FAIM2: variants seen among roughly 807,000 people sequenced by gnomAD.
FAIM2 encodes protein lifeguard 2.
In FAIM2, 27 loss-of-function variants were observed where a neutral mutation model predicts 47.4. The observed-to-expected ratio is 0.57, with a 90% CI of 0.42 to 0.78. FAIM2 has a LOEUF of 0.78. FAIM2 is among the 30% of genes least tolerant of loss of function. The probability of loss-of-function intolerance (pLI) is 0.00; values close to 1 mark genes in which losing one functional copy is unlikely to be tolerated. For missense variants in FAIM2, 311 were observed against 389.4 expected, an observed-to-expected ratio of 0.80 and a Z score of 1.69; for synonymous variants, 156 against 159.3, an observed-to-expected ratio of 0.98 and a Z score of 0.16.
chr12:49,880,612 G>T (rs1014306469), intron 11 of FAIM2, among the ~76,000 whole-genome samples: 2 of 106,476 alleles, frequency 1.9e-5, no homozygotes, highest in South Asian at 3.3e-4. Flanking sequence ...GTGTGCATGT[G>T]AGTGTATGTG....
In FAIM2 at chr12:49,871,815, T is replaced by C. The variant is rs565386802; in HGVS notation, c.802-1162A>G. Among the ~76,000 whole-genome samples the C allele has an allele frequency of 6.6e-5, 10 of 152,098 alleles. No individual in the cohort carries two copies. The East Asian group carries it at 1.2e-3, about 18-fold the overall frequency. Reference sequence around the variant, plus strand: ...CCGAGGAGCTAGGATTACAGGCATGTGCCACCACACCCAGCTAATTTTGTA... The same window carrying C: ...CCGAGGAGCTAGGATTACAGGCATGCGCCACCACACCCAGCTAATTTTGTA... On this transcript the variant is annotated intron_variant, in intron 11 of 11. Coordinates refer to ENST00000320634, the MANE Select transcript of FAIM2 (RefSeq NM_012306.4).
Position 49,893,139 on chromosome 12 carries a change from C to G in FAIM2, c.435-2025G>C, listed in dbSNP as rs1946912126. ...TGCCTTCCACCCTCCATGCTGCAGG[C>G]AGATCCAATCATTTGACTTCCCTGT... On this transcript the variant is annotated intron_variant, in intron 5 of 11. Coordinates refer to ENST00000320634, the MANE Select transcript of FAIM2 (RefSeq NM_012306.4). Among the ~76,000 whole-genome samples the G allele has an allele frequency of 2.0e-5, 3 of 152,190 alleles. No homozygotes were observed. The South Asian group carries it at 6.2e-4, about 32-fold the overall frequency.
chr12:49,884,765 G>GA (rs917027560), intron 11 of FAIM2, among the ~76,000 whole-genome samples: 3 of 152,196 alleles, frequency 2.0e-5, no homozygotes, highest in Non-Finnish European at 4.4e-5. Flanking sequence ...ACGAGGTCAG[G>GA]AGATCGAGAC....
intron 11 of FAIM2, among the ~76,000 whole-genome samples, chr12:49,883,908 TGA>T (rs1169827403): frequency 1.3e-5 from 2 of 152,032 alleles, no homozygotes; most frequent in African/African-American, 4.8e-5. Flanking sequence ...TTGACCTGGA[TGA>T]GAGTGTGTTT....
At chr12:49,900,323 AT>A (rs1180156713) in intron 2 of FAIM2, 7 of 799,446 alleles carry the variant, frequency 8.8e-6, no homozygotes, top group Middle Eastern at 3.0e-4. Context: ...AGGTGGGGTG[AT>A]AAAGTGGGAG....
intron 5 of FAIM2, among the ~76,000 whole-genome samples, chr12:49,896,368 G>C (rs989599586): frequency 2.6e-5 from 4 of 152,110 alleles, no homozygotes; most frequent in African/African-American, 7.2e-5. Context: ...AAGAATATAG[G>C]ACAAGCAGGA....
intron 11 of FAIM2, among the ~76,000 whole-genome samples, chr12:49,879,512 A>G (rs968955405): frequency 3.4e-5 from 5 of 146,690 alleles, no homozygotes; most frequent in Non-Finnish European, 7.5e-5. Context: ...ATGTATGTGC[A>G]TGTGTGTGTG....
chr12:49,877,858 G>C (rs1592784672), intron 11 of FAIM2, among the ~76,000 whole-genome samples: 1 of 151,926 alleles, frequency 6.6e-6, no homozygotes, highest in East Asian at 1.9e-4. Flanking sequence ...GTGTGTGCAT[G>C]TGTGTGTGAG....
chr12:49,875,820 A>G (rs1946732652), intron 11 of FAIM2, among the ~76,000 whole-genome samples: 1 of 152,174 alleles, frequency 6.6e-6, no homozygotes, highest in African/African-American at 2.4e-5. Context: ...TACTAAAAAT[A>G]CAAAAGTTAG....
At position 49,878,517 on chromosome 12, in the gene FAIM2, T is replaced by C. The variant is rs1398122901; in HGVS notation, c.802-7864A>G. Among the ~76,000 whole-genome samples the C allele has an allele frequency of 8.2e-5, 5 of 60,820 alleles. 1 individual carries two copies. Among genetic ancestry groups the C allele is most frequent in the African/African-American group, 3.9e-4 (4 of 10,306 alleles). 39.9% of individuals were successfully genotyped at this position (60,820 alleles called of 152,430 possible). A position where few individuals can be genotyped will look rare whatever the true frequency, so the allele number is the denominator to read the frequency against. ...ATGTGCATGTGTGTATATGTGTGCA[T>C]ATGACTGTGTATGTGCATGTGTATA... On this transcript the variant is annotated intron_variant, in intron 11 of 11. Transcript: ENST00000320634.
chr12:49,889,466 G>T lies in FAIM2; in HGVS notation c.651+15C>A, dbSNP rs1355182652. ...CTCAGGCCAGGGGTCCCTGCCTGCA[G>T]GCCCCAGAGCTGACCTTGGTCTGGA... is the stretch of plus-strand genomic sequence containing the variant. On this transcript the variant is annotated intron_variant, in intron 9 of 11. Coordinates refer to ENST00000320634, the MANE Select transcript of FAIM2 (RefSeq NM_012306.4). 2 of 1,612,060 alleles carry T rather than the reference G, an allele frequency of 1.2e-6. No individual in the cohort carries two copies. The highest frequency in any genetic ancestry group is 2.7e-5 in the African/African-American group (2 of 74,850).
chr12:49,889,523 G>A lies in FAIM2; in HGVS notation c.609C>T (p.Ala203=), dbSNP rs776157297. Residue 203 remains alanine, a synonymous_variant, in exon 9 of 12, where the codon GCC becomes GCT. Transcript: ENST00000320634. ...TSVLLCLGIT[A]LVCLSVTVFS... ...AGACGGTGACTGAGAGGCAGACAAG[G>A]GCCGTGATGCCCAGGCACAGCAGCA... 8.1e-6 allele frequency: 13 copies of A among 1,613,974 alleles called. No individual in the cohort carries two copies. The highest frequency in any genetic ancestry group is 6.7e-5 in the African/African-American group (5 of 74,918).
At chr12:49,890,850 G>T in intron 6 of FAIM2, 128 bp from the exon 7 acceptor site, 1 of 900,236 alleles carries the variant, frequency 1.1e-6, no homozygotes, top group Non-Finnish European at 1.9e-6. Flanking sequence ...TCTTCCTTCA[G>T]CCACATCCCC....
intron 6 of FAIM2, 119 bp downstream of exon 6, chr12:49,890,945 A>T: frequency 9.7e-7 from 1 of 1,030,056 alleles, no homozygotes; most frequent in Non-Finnish European, 1.5e-6. Context: ...ATAGAGGCCC[A>T]GAGAGGGATG....
At chr12:49,891,266 TG>T in intron 5 of FAIM2, 152 bp from the exon 6 acceptor site, 1 of 668,346 alleles carries the variant, frequency 1.5e-6, no homozygotes, top group South Asian at 1.8e-5. Context: ...AACCTGGCAG[TG>T]GGCAGGGTGG....
intron 11 of FAIM2, among the ~76,000 whole-genome samples, chr12:49,877,862 G>A (rs1592784678): frequency 1.3e-5 from 2 of 152,006 alleles, no homozygotes; most frequent in East Asian, 1.9e-4. Context: ...GTGCATGTGT[G>A]TGTGAGTGTA....
chr12:49,887,895 C>T lies in FAIM2; in HGVS notation c.748-456G>A, dbSNP rs148927803. On this transcript the variant is annotated intron_variant, in intron 10 of 11. Coordinates refer to ENST00000320634, the MANE Select transcript of FAIM2 (RefSeq NM_012306.4). ...AGGTAGAAGGGGACAAAGACTTGAC[C>T]TCAGGGGTGTGTTGGGGGGGCATCT... Among the ~76,000 whole-genome samples, 707 of 152,238 alleles carry T rather than the reference C, an allele frequency of 4.6e-3. 6 individuals carry two copies. Among genetic ancestry groups the T allele is most frequent in the African/African-American group, 0.016 (671 of 41,542 alleles).
chr12:49,888,222 C>CCCCT (rs1223050923), intron 10 of FAIM2, among the ~76,000 whole-genome samples: 7 of 152,220 alleles, frequency 4.6e-5, no homozygotes, highest in Admixed American at 4.6e-4. Context: ...CCAGCTCTGG[C>CCCCT]CCCTCCCTTT....
chr12:49,883,037 G>A (rs1427311800), intron 11 of FAIM2, among the ~76,000 whole-genome samples: 2 of 152,190 alleles, frequency 1.3e-5, no homozygotes, highest in African/African-American at 4.8e-5. Context: ...AGGGCTGTGA[G>A]CAGATCCTAA....
Sources: allele counts gnomAD v4.1 joint callset (sites outside exome capture counted in the v4.1 genomes callset), GRCh38; gene constraint gnomAD v4.1.1; transcripts MANE v1.5; gene names NCBI Gene and HGNC (gene_info 2026-07-23, HGNC 2026-07-21).